Variants in CCDC3 observed in about 807,000 individuals in gnomAD.
CCDC3 encodes coiled-coil domain containing 3, also known as coiled-coil domain-containing protein 3.
Under a neutral mutation model 21.4 loss-of-function variants are expected in CCDC3, and 24 were observed. That is an observed-to-expected ratio of 1.12 (90% CI 0.81 to 1.58). The LOEUF is 1.58. Among genes scored for constraint, CCDC3 ranks in the 40% most tolerant of loss-of-function variants. The pLI, the probability that CCDC3 is intolerant of heterozygous loss-of-function variation, is 0.00. For synonymous variants in CCDC3, 186 were observed against 166.0 expected (o/e 1.12, Z -0.93); for missense variants, 425 against 360.9 (o/e 1.18, Z -1.44).
chr10:13,008,713 AG>A (rs1212429356), intron 5 of CCDC3, among the ~76,000 whole-genome samples: 1 of 152,258 alleles, frequency 6.6e-6, no homozygotes, highest in African/African-American at 2.4e-5. Flanking sequence ...CACAAGTCTT[AG>A]AAATATATGT....
intron 2 of CCDC3, among the ~76,000 whole-genome samples, chr10:12,934,498 T>C (rs1023370970): frequency 2.6e-5 from 4 of 152,246 alleles, no homozygotes; most frequent in African/African-American, 9.6e-5. Flanking sequence ...CAAGTATGTC[T>C]TACTGATTTT....
At chr10:13,032,113 C>G (rs11528720) in intron 5 of CCDC3, among the ~76,000 whole-genome samples, 15,070 of 152,110 alleles carry the variant, frequency 0.099, 872 homozygotes, top group East Asian at 0.18. Context: ...GCAAACCGAA[C>G]CCAGCAGCAC....
chr10:12,943,349 G>A (rs921010650), intron 2 of CCDC3, among the ~76,000 whole-genome samples: 15 of 152,182 alleles, frequency 9.9e-5, no homozygotes, highest in African/African-American at 3.6e-4. Context: ...AACTAGTTTA[G>A]GCCATGATGG....
At position 13,001,214 on chromosome 10, in the gene CCDC3, G is replaced by T. The variant is rs768575267; in HGVS notation, c.357C>A (p.Ser119=). ...CHSHTVVQDY[S]YFFFLRMDEN... ...GGGCTCACCTGAGGAAGAAGAAATAGGAGTAGTCCTGGACCACGGTGTGGG... is the reference window on the plus strand; with the variant it reads ...GGGCTCACCTGAGGAAGAAGAAATATGAGTAGTCCTGGACCACGGTGTGGG... Residue 119 remains serine, a synonymous_variant, in exon 1 of 3, where the codon TCC becomes TCA. Coordinates refer to ENST00000378825, the MANE Select transcript of CCDC3 (RefSeq NM_031455.4). 6.4e-7 allele frequency: 1 copy of T among 1,560,634 alleles called. No homozygotes were observed. Among genetic ancestry groups the T allele is most frequent in the Non-Finnish European group, 8.7e-7 (1 of 1,152,572 alleles).
intron 4 of CCDC3, among the ~76,000 whole-genome samples, chr10:13,051,824 A>G (rs1194374672): frequency 6.6e-6 from 1 of 152,034 alleles, no homozygotes; most frequent in Non-Finnish European, 1.5e-5. Flanking sequence ...GATAAAGGCA[A>G]CAGATTGGGG....
chr10:13,048,560 C>T (rs1836563031), intron 5 of CCDC3, among the ~76,000 whole-genome samples: 1 of 152,134 alleles, frequency 6.6e-6, no homozygotes, highest in African/African-American at 2.4e-5. Context: ...TCAGAAAATG[C>T]TACTTTCCTA....
chr10:13,018,792 G>C (rs11258130), intron 5 of CCDC3, among the ~76,000 whole-genome samples: 2 of 151,680 alleles, frequency 1.3e-5, no homozygotes, highest in Non-Finnish European at 2.9e-5. Flanking sequence ...AAATCAGCTG[G>C]GCGAGGTGGT....
rs1836791521 is a variant in CCDC3 at position 13,063,862 on chromosome 10, T to TTTAGAATGGCTGAG, written c.-270+10005_-270+10006insCTCAGCCATTCTAA. 2.0e-5 allele frequency among the ~76,000 whole-genome samples: 3 copies of TTTAGAATGGCTGAG among 152,164 alleles called. No individual in the cohort carries two copies. In the South Asian group the frequency reaches 6.2e-4, roughly 32 times the overall value. On this transcript the variant is annotated intron_variant, in intron 4 of 6. Coordinates refer to the CCDC3 transcript ENST00000378839. Reference sequence around the variant, plus strand: ...TCCTGCTTTTTATCCCGAGGAAGATTTTAGAATGGCTGGAAAACTCATAAC... The same window carrying TTTAGAATGGCTGAG: ...TCCTGCTTTTTATCCCGAGGAAGATTTTAGAATGGCTGAGTTAGAATGGCTGGAAAACTCATAAC...
exon 3 of CCDC3, chr10:13,098,547 C>CG (rs953370840): frequency 2.6e-5 from 4 of 152,126 alleles, no homozygotes; most frequent in African/African-American, 9.6e-5. Context: ...TTACAGGCCC[C>CG]GGGGGGACCC....
chr10:13,093,904 G>C (rs754707035), intron 3 of CCDC3, among the ~76,000 whole-genome samples: 3 of 152,182 alleles, frequency 2.0e-5, no homozygotes, highest in Non-Finnish European at 2.9e-5. Flanking sequence ...GGCATGCAAA[G>C]AAGATAATGA....
At chr10:12,930,188 T>A (rs1834617146) in intron 2 of CCDC3, among the ~76,000 whole-genome samples, 1 of 152,216 alleles carries the variant, frequency 6.6e-6, no homozygotes, top group South Asian at 2.1e-4. Context: ...AGGTTTCTAA[T>A]CTTTTTCAAA....
chr10:12,900,943 G>A (rs577112725), intron 2 of CCDC3, among the ~76,000 whole-genome samples: 28 of 152,222 alleles, frequency 1.8e-4, no homozygotes, highest in Admixed American at 4.6e-4. Flanking sequence ...GCTGCAGACC[G>A]ATAGCCGATA....
chr10:12,898,709 G>A, intron 2 of CCDC3, 30 bp from the exon 3 acceptor site: 1 of 1,610,128 alleles, frequency 6.2e-7, no homozygotes, highest in Non-Finnish European at 8.5e-7. Context: ...GCAAGGAGAG[G>A]AGGTGAGTCC....
intron 5 of CCDC3, among the ~76,000 whole-genome samples, chr10:13,011,191 A>AT (rs1421811277): frequency 6.6e-6 from 1 of 151,502 alleles, no homozygotes; most frequent in Non-Finnish European, 1.5e-5. Flanking sequence ...AGAAGAAAAA[A>AT]AAAAAAAAAC....
intron 2 of CCDC3, among the ~76,000 whole-genome samples, chr10:12,927,356 C>G (rs1261602814): frequency 6.6e-6 from 1 of 152,200 alleles, no homozygotes; most frequent in African/African-American, 2.4e-5. Context: ...GCATAACCAT[C>G]ATACCATTAC....
intron 2 of CCDC3, among the ~76,000 whole-genome samples, chr10:12,952,572 C>T (rs2131249536): frequency 6.6e-6 from 1 of 152,330 alleles, no homozygotes; most frequent in Non-Finnish European, 1.5e-5. Context: ...CTCTTACTTT[C>T]CAGTGGCAAC....
chr10:13,029,354 A>G (rs1049212939), intron 5 of CCDC3, among the ~76,000 whole-genome samples: 8 of 152,190 alleles, frequency 5.3e-5, no homozygotes, highest in Non-Finnish European at 1.5e-5. Flanking sequence ...TCAAAGACCA[A>G]AGGTAGATAA....
upstream of CCDC3, chr10:13,099,668 G>A (rs1370785669): frequency 6.6e-6 from 1 of 152,040 alleles, no homozygotes; most frequent in Non-Finnish European, 1.5e-5. Context: ...GCAAAAACGA[G>A]TGGAAAGCTA....
chr10:12,968,409 T>C (rs1421050250), intron 2 of CCDC3, among the ~76,000 whole-genome samples: 7 of 152,088 alleles, frequency 4.6e-5, no homozygotes, highest in African/African-American at 7.2e-5. Context: ...ACTTCAGAAA[T>C]GGAGAGAAAG....
Sources: gnomAD v4.1 joint callset for allele counts (sites outside exome capture counted in the v4.1 genomes callset) on GRCh38, gnomAD v4.1.1 for gene constraint, MANE v1.5 for transcripts, NCBI Gene and HGNC (gene_info 2026-07-23, HGNC 2026-07-21) for gene names.